ZSCAN18: variants seen among roughly 807,000 people sequenced by gnomAD.
ZSCAN18 encodes the protein zinc finger and SCAN domain-containing protein 18.
In ZSCAN18, 16 loss-of-function variants were observed where a neutral mutation model predicts 31.1. The ratio of observed to expected loss-of-function variants is 0.51; its 90% CI spans 0.35 to 0.78. The LOEUF (loss-of-function observed/expected upper bound fraction) is 0.78, where lower values mean the gene tolerates loss of function less well. Among genes scored for constraint, ZSCAN18 ranks in the 30% least tolerant of loss-of-function variants. The pLI, the probability that ZSCAN18 is intolerant of heterozygous loss-of-function variation, is 0.01. For synonymous variants in ZSCAN18, 375 were observed against 320.7 expected (o/e 1.17, Z -1.81); for missense variants, 731 against 697.4 (o/e 1.05, Z -0.54).
intron 6 of ZSCAN18, chr19:58,085,757 CT>C (rs2074266591): frequency 3.1e-6 from 1 of 318,536 alleles, no homozygotes; most frequent in Non-Finnish European, 5.8e-6. Context: ...AGGGGCCCGG[CT>C]GCCAGCGAAG....
In ZSCAN18 at chr19:58,084,894, C is replaced by G; in HGVS notation, c.1324G>C (p.Ala442Pro). The change falls in exon 7 of 7, where the codon GCC becomes CCC. Residue 442 changes from alanine to proline, a missense_variant. Around this residue, in one of 4 missense-constraint regions of ZSCAN18, gnomAD observed 597 missense variants for 499.5 expected, o/e 1.20. Coordinates refer to ENST00000601144, the MANE Select transcript of ZSCAN18 (RefSeq NM_001145543.2). The surrounding 1 kb of genome is among the most constrained non-coding windows in gnomAD (Gnocchi z 4.5). Reference sequence around the variant, plus strand: ...AAGGTCTTCCAGCAGCCCTGACAGGCGTAGCGCTTCCGGCCGCCATGGCTG... The same window carrying G: ...AAGGTCTTCCAGCAGCCCTGACAGGGGTAGCGCTTCCGGCCGCCATGGCTG... ...HSSHGGRKRY[A>P]CQGCWKTFHF... The G allele has an allele frequency of 6.3e-7, 1 of 1,594,798 alleles. No individual in the cohort carries two copies. Among genetic ancestry groups the G allele is most frequent in the South Asian group, 1.1e-5 (1 of 88,502 alleles).
chr19:58,088,967 C>A (rs2074344079), intron 2 of ZSCAN18, 130 bp from the exon 3 acceptor site: 3 of 838,504 alleles, frequency 3.6e-6, no homozygotes, highest in Non-Finnish European at 5.3e-6. Flanking sequence ...TCATCTTGGA[C>A]CAGGAGACCT....
At chr19:58,097,058 G>C (rs1437141100) in intron 1 of ZSCAN18, among the ~76,000 whole-genome samples, 1 of 152,174 alleles carries the variant, frequency 6.6e-6, no homozygotes, top group Non-Finnish European at 1.5e-5. Flanking sequence ...TCTGACTCCA[G>C]GGCAGGAAAC....
intron 1 of ZSCAN18, chr19:58,118,220 A>G: frequency 1.6e-5 from 15 of 963,508 alleles, no homozygotes; most frequent in Non-Finnish European, 2.2e-5. Context: ...AAGAGCGACC[A>G]CGCAGCCACC....
In ZSCAN18 at chr19:58,085,953, C is replaced by A; in HGVS notation, c.838+221G>T. The A allele has an allele frequency of 1.3e-5, 7 of 553,170 alleles. No individual in the cohort carries two copies. The Middle Eastern group carries it at 1.2e-3, about 96-fold the overall frequency. 34.3% of individuals were successfully genotyped at this position (553,170 alleles called of 1,614,324 possible). ...ACACAGATCCTGGCAACTAACACCACTGCCGTTTCCACCGACCAAGTCTTG... is the reference window on the plus strand; with the variant it reads ...ACACAGATCCTGGCAACTAACACCAATGCCGTTTCCACCGACCAAGTCTTG... On this transcript the variant is annotated intron_variant, in intron 6 of 6. Transcript: ENST00000601144.
chr19:58,087,262 G>C, intron 4 of ZSCAN18, 54 bp downstream of exon 4: 1 of 1,509,104 alleles, frequency 6.6e-7, no homozygotes, highest in South Asian at 1.2e-5. Flanking sequence ...TGGGGAGGGG[G>C]ATGCCTCTAA....
In ZSCAN18 at chr19:58,084,138, A is replaced by G. The variant is rs2074211333; in HGVS notation, c.*547T>C. ...TCTGAAAACCCTGCCTTAGGCTGCA[A>G]GCATTTCTGTGATCTCTGCGAGCTA... On this transcript the variant is annotated 3_prime_UTR_variant, in exon 7 of 7. Coordinates refer to ENST00000601144, the MANE Select transcript of ZSCAN18 (RefSeq NM_001145543.2). This position sits in a 1 kb window ranked among gnomAD's most constrained non-coding sequence, Gnocchi z 4.5. 1 of 152,264 alleles carries G rather than the reference A, an allele frequency of 6.6e-6. No homozygotes were observed. Among genetic ancestry groups the G allele is most frequent in the African/African-American group, 2.4e-5 (1 of 41,456 alleles). 9.4% of individuals were successfully genotyped at this position (152,264 alleles called of 1,614,324 possible).
At chr19:58,085,935 T>C in intron 6 of ZSCAN18, 1 of 531,232 alleles carries the variant, frequency 1.9e-6, no homozygotes, top group Non-Finnish European at 3.4e-6. Flanking sequence ...CATACACAGA[T>C]CCTGGCAACT....
intron 1 of ZSCAN18, among the ~76,000 whole-genome samples, chr19:58,113,537 A>G (rs1013212125): frequency 6.6e-6 from 1 of 152,262 alleles, no homozygotes; most frequent in Non-Finnish European, 1.5e-5. Flanking sequence ...GGCATGTAGC[A>G]TTTCATCTTG....
At chr19:58,108,727 T>C (rs1309471553) in intron 1 of ZSCAN18, 1 of 985,412 alleles carries the variant, frequency 1.0e-6, no homozygotes. Context: ...TGTGTCCCTA[T>C]CAAACACCTC....
intron 3 of ZSCAN18, chr19:58,087,636 CTT>C (rs35453706): frequency 6.0e-3 from 2,515 of 417,788 alleles, no homozygotes; most frequent in Middle Eastern, 0.013. Flanking sequence ...TCATGGAAAT[CTT>C]TTTTTTTTTT....
At chr19:58,085,911 C>G in intron 6 of ZSCAN18, 2 of 442,294 alleles carry the variant, frequency 4.5e-6, no homozygotes, top group Non-Finnish European at 8.1e-6. Flanking sequence ...AGAACGGCCA[C>G]CCCCGGGACC....
At position 58,084,932 on chromosome 19, in the gene ZSCAN18, A is replaced by G. The variant is rs2074233035; in HGVS notation, c.1286T>C (p.Met429Thr). 1 of 1,597,028 alleles carries G rather than the reference A, an allele frequency of 6.3e-7. No homozygotes were observed. Among genetic ancestry groups the G allele is most frequent in the East Asian group, 2.3e-5 (1 of 44,252 alleles). ...GEAFAWLSHL[M>T]EHHSSHGGRK... is the part of the protein sequence containing the mutation. ...GCCGCCATGGCTGCTGTGGTGCTCCATCAGGTGCGAGAGCCACGCGAAGGC... is the reference window on the plus strand; with the variant it reads ...GCCGCCATGGCTGCTGTGGTGCTCCGTCAGGTGCGAGAGCCACGCGAAGGC... Residue 429 changes from methionine to threonine, a missense_variant, in exon 7 of 7, where the codon ATG becomes ACG. Met to Thr is a moderately conservative substitution (Grantham distance 81). Coordinates refer to ENST00000601144, the MANE Select transcript of ZSCAN18 (RefSeq NM_001145543.2). This position sits in a 1 kb window ranked among gnomAD's most constrained non-coding sequence, Gnocchi z 4.5.
intron 1 of ZSCAN18, among the ~76,000 whole-genome samples, chr19:58,110,398 C>A (rs1320167037): frequency 2.0e-5 from 3 of 152,140 alleles, no homozygotes; most frequent in Admixed American, 2.0e-4. Flanking sequence ...TCCAGGCCTC[C>A]CAACCCACTC....
chr19:58,103,361 C>A (rs530636696), intron 1 of ZSCAN18, among the ~76,000 whole-genome samples: 5 of 152,254 alleles, frequency 3.3e-5, no homozygotes, highest in African/African-American at 9.6e-5. Flanking sequence ...TTTGTGGCAA[C>A]CTGTGTCAAT....
At chr19:58,086,820 A>G in intron 5 of ZSCAN18, 86 bp downstream of exon 5, 3 of 1,013,610 alleles carry the variant, frequency 3.0e-6, no homozygotes, top group Middle Eastern at 3.1e-4. Context: ...GTCCCAGCCA[A>G]AGTCCCTGGG....
At chr19:58,110,836 C>A (rs1375203592) in intron 1 of ZSCAN18, among the ~76,000 whole-genome samples, 1 of 152,134 alleles carries the variant, frequency 6.6e-6, no homozygotes, top group Non-Finnish European at 1.5e-5. Context: ...TATGTGTATG[C>A]ACACTCCATG....
intron 1 of ZSCAN18, chr19:58,109,013 T>C: frequency 1.7e-6 from 2 of 1,210,526 alleles, no homozygotes; most frequent in Non-Finnish European, 2.1e-6. Flanking sequence ...AAACCTGTTG[T>C]TTGAGGACCT....
At chr19:58,112,084 G>C (rs1357265114) in intron 1 of ZSCAN18, among the ~76,000 whole-genome samples, 2 of 152,022 alleles carry the variant, frequency 1.3e-5, no homozygotes, top group Admixed American at 1.3e-4. Context: ...ACCCAGGCTG[G>C]AGTGCAGTGG....
Sources: gnomAD v4.1 joint callset for allele counts (sites outside exome capture counted in the v4.1 genomes callset) on GRCh38, gnomAD v4.1.1 for gene constraint, gnomAD v4.1.1 regional missense constraint, Gnocchi (gnomAD v3.1) non-coding constraint, MANE v1.5 for transcripts, NCBI Gene and HGNC (gene_info 2026-07-23, HGNC 2026-07-21) for gene names.